GNA14: variants seen among roughly 807,000 people sequenced by gnomAD.
GNA14 encodes the protein guanine nucleotide-binding protein subunit alpha-14.
Under a neutral mutation model 42.0 loss-of-function variants are expected in GNA14, and 50 were observed. That is an observed-to-expected ratio of 1.19 (90% CI 0.95 to 1.51). The LOEUF (loss-of-function observed/expected upper bound fraction) is 1.51. Among genes scored for constraint, GNA14 ranks in the 40% most tolerant of loss-of-function variants. The pLI, the probability that GNA14 is intolerant of heterozygous loss-of-function variation, is 0.00. For missense variants in GNA14, 473 were observed against 446.2 expected, an observed-to-expected ratio of 1.06 and a Z score of -0.54; for synonymous variants, 173 against 163.1, an observed-to-expected ratio of 1.06 and a Z score of -0.46.
At chr9:77,536,591 T>C (rs1195164941) in intron 1 of GNA14, among the ~76,000 whole-genome samples, 2 of 152,206 alleles carry the variant, frequency 1.3e-5, no homozygotes. Context: ...TCTCAAGCTA[T>C]CTGCCCACCT....
At chr9:77,452,736 G>A (rs1244096839) in intron 2 of GNA14, among the ~76,000 whole-genome samples, 2 of 137,408 alleles carry the variant, frequency 1.5e-5, no homozygotes, top group African/African-American at 2.7e-5. Flanking sequence ...AAATCCATAC[G>A]TTGAACTCTC....
intron 1 of GNA14, among the ~76,000 whole-genome samples, chr9:77,608,146 AAAG>A (rs1823668814): frequency 6.6e-6 from 1 of 152,230 alleles, no homozygotes. Flanking sequence ...GTACTGAACC[AAAG>A]AAGATTATTC....
chr9:77,640,871 C>CAAAAAAAAAAAAAAA (rs1178043976), intron 1 of GNA14, among the ~76,000 whole-genome samples: 1 of 27,370 alleles, frequency 3.7e-5, no homozygotes, highest in African/African-American at 1.2e-4. Context: ...ATAAAATGCT[C>CAAAAAAAAAAAAAAA]AAAAAAAAAA....
At chr9:77,583,149 G>T (rs904739962) in intron 1 of GNA14, among the ~76,000 whole-genome samples, 2 of 152,152 alleles carry the variant, frequency 1.3e-5, no homozygotes, top group African/African-American at 4.8e-5. Context: ...CTCTAATTGG[G>T]CTAATTCTCC....
chr9:77,521,228 TTTAACA>T (rs1837350651), intron 2 of GNA14, among the ~76,000 whole-genome samples: 4 of 152,200 alleles, frequency 2.6e-5, no homozygotes, highest in African/African-American at 4.8e-5. Flanking sequence ...CCATGTGATT[TTTAACA>T]CCCACCAGGA....
intron 1 of GNA14, among the ~76,000 whole-genome samples, chr9:77,567,075 T>C (rs192932291): frequency 1.3e-3 from 191 of 152,272 alleles, no homozygotes; most frequent in Non-Finnish European, 2.4e-3. Flanking sequence ...ATACTGCATA[T>C]TTATTATTTA....
At position 77,639,941 on chromosome 9, in the gene GNA14, G is replaced by T. The variant is rs372870470; in HGVS notation, c.124+7729C>A. The stretch of plus-strand genomic sequence containing the variant: ...CCAACTTTAGAGCCCTTGGATTTCC[G>T]CTAGTATATTTTCTTCCTCTAACAG... On this transcript the variant is annotated intron_variant, in intron 1 of 6. Transcript: ENST00000341700. Among the ~76,000 whole-genome samples, 3 of 152,258 alleles carry T rather than the reference G, an allele frequency of 2.0e-5. No individual in the cohort carries two copies. The East Asian group carries it at 5.8e-4, about 29-fold the overall frequency.
intron 2 of GNA14, among the ~76,000 whole-genome samples, chr9:77,448,142 C>T (rs1421146969): frequency 1.3e-5 from 2 of 152,216 alleles, no homozygotes; most frequent in East Asian, 3.9e-4. Flanking sequence ...TGCCTGCTTT[C>T]AAACCTGCAA....
intron 2 of GNA14, among the ~76,000 whole-genome samples, chr9:77,497,335 G>A (rs773494826): frequency 2.0e-5 from 3 of 152,172 alleles, no homozygotes; most frequent in Non-Finnish European, 2.9e-5. Context: ...CATCTCTGGG[G>A]AGATGGTGAC....
intron 1 of GNA14, among the ~76,000 whole-genome samples, chr9:77,582,899 G>A (rs1823247071): frequency 6.6e-6 from 1 of 152,178 alleles, no homozygotes; most frequent in Non-Finnish European, 1.5e-5. Flanking sequence ...AAGTCTTCAG[G>A]AGACACTCAA....
chr9:77,473,534 C>T (rs1351765424), intron 2 of GNA14, among the ~76,000 whole-genome samples: 2 of 150,818 alleles, frequency 1.3e-5, no homozygotes, highest in Non-Finnish European at 1.5e-5. Flanking sequence ...AATCTGGAGA[C>T]TTAATATTGT....
intron 1 of GNA14, among the ~76,000 whole-genome samples, chr9:77,634,615 C>T (rs1272938986): frequency 6.6e-6 from 1 of 151,974 alleles, no homozygotes; most frequent in African/African-American, 2.4e-5. Context: ...ATTTTCATAT[C>T]CTTATACCAC....
intron 1 of GNA14, among the ~76,000 whole-genome samples, chr9:77,542,890 C>T (rs1460041840): frequency 6.6e-6 from 1 of 152,184 alleles, no homozygotes; most frequent in African/African-American, 2.4e-5. Flanking sequence ...GTCCTCAGGG[C>T]CTCTGGTAGT....
At chr9:77,574,278 AAGT>A (rs1471452302) in intron 1 of GNA14, among the ~76,000 whole-genome samples, 1 of 152,246 alleles carries the variant, frequency 6.6e-6, no homozygotes, top group African/African-American at 2.4e-5. Context: ...ACGGTATTTC[AAGT>A]GTGAAGAAAA....
At chr9:77,463,495 G>A (rs983520995) in intron 2 of GNA14, among the ~76,000 whole-genome samples, 1 of 152,208 alleles carries the variant, frequency 6.6e-6, no homozygotes, top group Admixed American at 6.5e-5. Flanking sequence ...TAGGACCAAG[G>A]CCAAGGGGAT....
chr9:77,620,144 G>C (rs1248237557), intron 1 of GNA14, among the ~76,000 whole-genome samples: 1 of 152,072 alleles, frequency 6.6e-6, no homozygotes, highest in Non-Finnish European at 1.5e-5. Flanking sequence ...GAATGATCAA[G>C]GTAACTAAGC....
At chr9:77,441,962 A>G (rs1212005381) in intron 2 of GNA14, among the ~76,000 whole-genome samples, 1 of 152,238 alleles carries the variant, frequency 6.6e-6, no homozygotes, top group Non-Finnish European at 1.5e-5. Flanking sequence ...GAAAATAAAC[A>G]AGGAACTTCT....
intron 2 of GNA14, among the ~76,000 whole-genome samples, chr9:77,460,121 T>A (rs1587774330): frequency 6.6e-6 from 1 of 152,186 alleles, no homozygotes. Context: ...TATCTCCTCC[T>A]GGAACCTCGG....
intron 2 of GNA14, among the ~76,000 whole-genome samples, chr9:77,445,567 A>G (rs1026880780): frequency 1.4e-5 from 2 of 148,146 alleles, no homozygotes; most frequent in South Asian, 4.2e-4. Flanking sequence ...AAAAAAAAAA[A>G]AAAAAAGAAA....
Sources: allele counts gnomAD v4.1 joint callset (sites outside exome capture counted in the v4.1 genomes callset), GRCh38; gene constraint gnomAD v4.1.1; transcripts MANE v1.5; gene names NCBI Gene and HGNC (gene_info 2026-07-23, HGNC 2026-07-21).